The following TAFA1 variants were observed in gnomAD, a reference collection of about 807,000 sequenced individuals.
TAFA1 encodes TAFA chemokine like family member 1, also known as chemokine-like protein TAFA-1.
Under a neutral mutation model 18.5 loss-of-function variants are expected in TAFA1, and 4 were observed. The observed-to-expected ratio is 0.22, with a 90% confidence interval of 0.11 to 0.49. The LOEUF is 0.49. Ranked by LOEUF, TAFA1 falls within the 20% of genes least tolerant of loss-of-function variation. The probability of loss-of-function intolerance (pLI) is 0.98; values close to 1 mark genes in which losing one functional copy is unlikely to be tolerated. For missense variants in TAFA1, 147 were observed against 169.0 expected (o/e 0.87, Z 0.72); for synonymous variants, 56 against 55.2 (o/e 1.01, Z -0.06).
chr3:68,028,581 G>A (rs1419671179), intron 2 of TAFA1, among the ~76,000 whole-genome samples: 2 of 151,948 alleles, frequency 1.3e-5, no homozygotes, highest in East Asian at 3.9e-4. Flanking sequence ...ACGCTCCTAT[G>A]GGAGGCTCTA....
chr3:68,424,348 A>T (rs1455152925), intron 3 of TAFA1, among the ~76,000 whole-genome samples: 1 of 152,024 alleles, frequency 6.6e-6, no homozygotes, highest in Non-Finnish European at 1.5e-5. Flanking sequence ...GTAGTAAAAG[A>T]GAGTAGTTAA....
the TAFA1 span, among the ~76,000 whole-genome samples, chr3:67,992,251 G>T: frequency 6.6e-6 from 1 of 152,194 alleles, no homozygotes; most frequent in African/African-American, 2.4e-5. Context: ...TATGCAGCAT[G>T]AGCTATTGGG....
chr3:68,333,549 C>T (rs1251405456), intron 2 of TAFA1, among the ~76,000 whole-genome samples: 2 of 152,088 alleles, frequency 1.3e-5, no homozygotes, highest in African/African-American at 2.4e-5. Context: ...ATGAAATAAT[C>T]TGTACACCAA....
chr3:68,337,791 G>A (rs965428695), intron 2 of TAFA1, among the ~76,000 whole-genome samples: 1 of 152,162 alleles, frequency 6.6e-6, no homozygotes, highest in Non-Finnish European at 1.5e-5. Flanking sequence ...TGGCTTCTGA[G>A]GGAAACCCTA....
intron 2 of TAFA1, among the ~76,000 whole-genome samples, chr3:68,239,329 A>G (rs905279593): frequency 6.6e-6 from 1 of 152,178 alleles, no homozygotes; most frequent in African/African-American, 2.4e-5. Context: ...AGAACTCAGG[A>G]GCGCTGAATT....
In TAFA1 at chr3:68,538,841, A is replaced by T. The variant is rs770648723; in HGVS notation, c.345A>T (p.Gly115=). 6.2e-6 allele frequency: 10 copies of T among 1,613,620 alleles called. No homozygotes were observed. The highest frequency in any genetic ancestry group is 8.5e-6 in the Non-Finnish European group (10 of 1,179,674). ...EECKTLPDNS[G]WMCATGNKIK... ...GTAAGACACTCCCTGACAATTCTGG[A>T]TGGATGTGCGCAACAGGCAACAAAA... The change falls in exon 4 of 5, where the codon GGA becomes GGT. Residue 115 remains glycine, a synonymous_variant. Coordinates refer to ENST00000478136, the MANE Select transcript of TAFA1 (RefSeq NM_213609.4).
At chr3:68,343,968 C>T (rs1266101045) in intron 2 of TAFA1, among the ~76,000 whole-genome samples, 5 of 152,052 alleles carry the variant, frequency 3.3e-5, no homozygotes, top group Non-Finnish European at 7.4e-5. Context: ...CTCAGCCTCC[C>T]GAGTAGCTGG....
At chr3:68,267,027 T>C (rs1350926790) in intron 2 of TAFA1, among the ~76,000 whole-genome samples, 7 of 152,110 alleles carry the variant, frequency 4.6e-5, no homozygotes, top group African/African-American at 7.2e-5. Flanking sequence ...TTCCCATTGA[T>C]TGACTTCCTG....
chr3:68,187,656 C>A (rs1244850055), intron 2 of TAFA1, among the ~76,000 whole-genome samples: 1 of 151,984 alleles, frequency 6.6e-6, no homozygotes, highest in Non-Finnish European at 1.5e-5. Flanking sequence ...ATGTGTCATG[C>A]ATTTCTCTTA....
intron 2 of TAFA1, among the ~76,000 whole-genome samples, chr3:68,168,568 C>T (rs1476084549): frequency 6.6e-6 from 1 of 152,152 alleles, no homozygotes; most frequent in Non-Finnish European, 1.5e-5. Flanking sequence ...CCAGAAATGA[C>T]TGTCTTTTCT....
chr3:68,287,560 C>G (rs1173921399), intron 2 of TAFA1, among the ~76,000 whole-genome samples: 1 of 152,108 alleles, frequency 6.6e-6, no homozygotes, highest in Middle Eastern at 3.2e-3. Flanking sequence ...CATCTGGCAC[C>G]CTGTGAGAAC....
chr3:68,514,171 G>A (rs2072888621), intron 3 of TAFA1, among the ~76,000 whole-genome samples: 1 of 152,136 alleles, frequency 6.6e-6, no homozygotes, highest in South Asian at 2.1e-4. Flanking sequence ...TATCACTTTG[G>A]AGGTTAGGAA....
intron 2 of TAFA1, among the ~76,000 whole-genome samples, chr3:68,021,818 T>G (rs559403444): frequency 6.6e-6 from 1 of 152,156 alleles, no homozygotes; most frequent in African/African-American, 2.4e-5. Context: ...AAAGACATTA[T>G]AAGATGATGG....
intron 2 of TAFA1, among the ~76,000 whole-genome samples, chr3:68,377,354 G>T (rs1274593471): frequency 6.6e-6 from 1 of 152,174 alleles, no homozygotes; most frequent in Non-Finnish European, 1.5e-5. Flanking sequence ...AGACTTAGGT[G>T]GTCTTAGATG....
intron 2 of TAFA1, among the ~76,000 whole-genome samples, chr3:68,072,306 G>A (rs1442437056): frequency 1.3e-5 from 2 of 152,200 alleles, no homozygotes; most frequent in African/African-American, 4.8e-5. Context: ...TGTGGCTTGA[G>A]TGTGAAGTAC....
At chr3:68,303,067 A>G (rs2068334588) in intron 2 of TAFA1, among the ~76,000 whole-genome samples, 1 of 152,206 alleles carries the variant, frequency 6.6e-6, no homozygotes, top group Admixed American at 6.5e-5. Flanking sequence ...GGTGCCTGGT[A>G]CATAAAAAAT....
At chr3:68,122,109 G>T (rs903875039) in intron 2 of TAFA1, among the ~76,000 whole-genome samples, 66 of 151,966 alleles carry the variant, frequency 4.3e-4, no homozygotes, top group African/African-American at 1.5e-3. Flanking sequence ...CTGAATCTGG[G>T]ATTCAAACCT....
chr3:68,307,676 G>C (rs1459530756), intron 2 of TAFA1, among the ~76,000 whole-genome samples: 1 of 152,080 alleles, frequency 6.6e-6, no homozygotes, highest in Non-Finnish European at 1.5e-5. Context: ...CACAGGGCAA[G>C]GCACTTGAAA....
chr3:68,533,631 A>G (rs2073225973), intron 3 of TAFA1, among the ~76,000 whole-genome samples: 1 of 152,170 alleles, frequency 6.6e-6, no homozygotes, highest in Non-Finnish European at 1.5e-5. Context: ...GTAAACATAG[A>G]GCAGAGGAAG....
Sources: allele counts gnomAD v4.1 joint callset (sites outside exome capture counted in the v4.1 genomes callset), GRCh38; gene constraint gnomAD v4.1.1; transcripts MANE v1.5; gene names NCBI Gene and HGNC (gene_info 2026-07-23, HGNC 2026-07-21).